SH3RF2: variants seen among roughly 807,000 people sequenced by gnomAD.
SH3RF2 encodes E3 ubiquitin-protein ligase SH3RF2.
A neutral mutation model predicts 59.0 loss-of-function variants in SH3RF2; 43 were observed. The ratio of observed to expected loss-of-function variants is 0.73; its 90% confidence interval spans 0.57 to 0.94. The LOEUF is 0.94. SH3RF2 is among the 40% of genes least tolerant of loss of function. The probability of loss-of-function intolerance (pLI) is 0.00; values close to 1 mark genes in which losing one functional copy is unlikely to be tolerated. For missense variants in SH3RF2, 930 were observed against 940.1 expected, an observed-to-expected ratio of 0.99 and a Z score of 0.14; for synonymous variants, 391 against 391.5, an observed-to-expected ratio of 1.00 and a Z score of 0.01.
intron 2 of SH3RF2, among the ~76,000 whole-genome samples, chr5:145,985,819 T>C (rs1054249626): frequency 1.3e-5 from 2 of 151,922 alleles, no homozygotes; most frequent in Non-Finnish European, 2.9e-5. Flanking sequence ...CTGAGCAATA[T>C]AGCAAGACCC....
chr5:146,059,618 C>T (rs1561769423), intron 8 of SH3RF2, among the ~76,000 whole-genome samples: 1 of 151,894 alleles, frequency 6.6e-6, no homozygotes, highest in African/African-American at 2.4e-5. Context: ...GACAGCCCCC[C>T]TACACACATA....
At chr5:145,970,005 T>C (rs1759014998) in intron 2 of SH3RF2, among the ~76,000 whole-genome samples, 1 of 152,154 alleles carries the variant, frequency 6.6e-6, no homozygotes. Context: ...GAGATTCGGG[T>C]GCAAAATAAA....
At chr5:146,058,260 C>T (rs182354626) in intron 8 of SH3RF2, among the ~76,000 whole-genome samples, 97 of 152,304 alleles carry the variant, frequency 6.4e-4, no homozygotes, top group Middle Eastern at 3.4e-3. Context: ...AGCCTAAGGA[C>T]ATGTCTGCCT....
Position 146,014,056 on chromosome 5 carries a change from G to T in SH3RF2, c.1054G>T (p.Gly352Ter). 6.2e-7 allele frequency: 1 copy of T among 1,613,168 alleles called. No individual in the cohort carries two copies. Among genetic ancestry groups the T allele is most frequent in the Non-Finnish European group, 8.5e-7 (1 of 1,179,794 alleles). Reference sequence around the variant, plus strand: ...AGCAGACGTTCCTTCCAGCTGTGTGGGACAGGTAGGGAAGAAACGCCTGGG... The same window carrying T: ...AGCAGACGTTCCTTCCAGCTGTGTGTGACAGGTAGGGAAGAAACGCCTGGG... ...EKADVPSSCV[G>*]QVSTYHPAPV... Residue 352 changes from glycine to a stop codon, truncating the protein, a stop_gained, in exon 5 of 10, where the codon GGA becomes TGA. Transcript: ENST00000359120. LOFTEE classifies it high-confidence loss of function.
intron 2 of SH3RF2, among the ~76,000 whole-genome samples, chr5:145,993,226 G>A (rs2149978349): frequency 6.6e-6 from 1 of 152,220 alleles, no homozygotes; most frequent in East Asian, 1.9e-4. Context: ...ATGGTCTTGG[G>A]CAGCTTGGGT....
At chr5:145,992,742 T>C (rs6879927) in intron 2 of SH3RF2, among the ~76,000 whole-genome samples, 90,628 of 150,284 alleles carry the variant, frequency 0.6, 27,446 homozygotes, top group Middle Eastern at 0.79. Context: ...GACTTGCCCC[T>C]GTGATTCAAT....
chr5:145,991,590 G>T (rs988217244), intron 2 of SH3RF2, among the ~76,000 whole-genome samples: 1 of 152,154 alleles, frequency 6.6e-6, no homozygotes, highest in African/African-American at 2.4e-5. Context: ...AAGAAAGAGG[G>T]TCTTCTTGTT....
At chr5:146,047,963 A>C in intron 6 of SH3RF2, 100 bp downstream of exon 6, 1 of 1,172,120 alleles carries the variant, frequency 8.5e-7, no homozygotes, top group Non-Finnish European at 1.2e-6. Context: ...AAAACATCCC[A>C]TCCAGAGACA....
intron 2 of SH3RF2, among the ~76,000 whole-genome samples, chr5:145,961,245 G>C (rs867907638): frequency 2.0e-4 from 29 of 148,032 alleles, no homozygotes; most frequent in Admixed American, 1.8e-3. Context: ...AAGTTCTGAG[G>C]GGTCATCTTC....
intron 5 of SH3RF2, among the ~76,000 whole-genome samples, chr5:146,027,017 G>A (rs1265236814): frequency 1.3e-5 from 2 of 152,138 alleles, no homozygotes; most frequent in Non-Finnish European, 2.9e-5. Flanking sequence ...ACTGCCCCAG[G>A]GCCAGCCTAT....
chr5:146,042,071 G>A (rs1444935722), intron 5 of SH3RF2, among the ~76,000 whole-genome samples: 1 of 152,182 alleles, frequency 6.6e-6, no homozygotes, highest in African/African-American at 2.4e-5. Flanking sequence ...CACTTTGCTG[G>A]GGAAGACAGT....
intron 3 of SH3RF2, among the ~76,000 whole-genome samples, chr5:146,001,884 G>A (rs1379113275): frequency 6.6e-6 from 1 of 152,190 alleles, no homozygotes; most frequent in East Asian, 1.9e-4. Context: ...CAGACTTCTA[G>A]GAAATCTCAT....
chr5:145,960,528 A>G (rs1758592643), intron 2 of SH3RF2, among the ~76,000 whole-genome samples: 1 of 152,210 alleles, frequency 6.6e-6, no homozygotes, highest in Non-Finnish European at 1.5e-5. Context: ...TCTAACTCCT[A>G]AGACTCCTTT....
rs753616323 is a variant in SH3RF2 at position 146,000,273 on chromosome 5, C to T, written c.594C>T (p.Phe198=). 3.1e-6 allele frequency: 5 copies of T among 1,613,724 alleles called. No individual in the cohort carries two copies. The highest frequency in any genetic ancestry group is 1.7e-4 in the Middle Eastern group (1 of 6,060). The change falls in exon 3 of 10, where the codon TTC becomes TTT. Residue 198 remains phenylalanine, a synonymous_variant. Transcript: ENST00000359120. ...CGCTCTGCAGGGCCCTCTACAACTT[C>T]GACCTACGAGGCAAGGACAAGAGTG... is the stretch of plus-strand genomic sequence containing the variant. The part of the protein sequence containing the change: ...PPPLCRALYN[F]DLRGKDKSEN...
intron 7 of SH3RF2, among the ~76,000 whole-genome samples, chr5:146,052,104 G>A (rs1052960189): frequency 3.9e-5 from 6 of 152,012 alleles, no homozygotes; most frequent in Admixed American, 6.5e-5. Flanking sequence ...CCATCCCCAC[G>A]ACTAGGGCAT....
downstream of SH3RF2, among the ~76,000 whole-genome samples, chr5:146,065,097 G>A (rs1763071598): frequency 6.6e-6 from 1 of 152,150 alleles, no homozygotes; most frequent in Admixed American, 6.5e-5. Context: ...CTTTGGGGCT[G>A]GTAGAGCCAA....
rs143380961 is a variant in SH3RF2 at position 146,006,387 on chromosome 5, C to A, written c.744+2234C>A. Among the ~76,000 whole-genome samples the A allele has an allele frequency of 2.6e-3, 390 of 152,126 alleles. 9 individuals carry two copies. Among genetic ancestry groups the A allele is most frequent in the African/African-American group, 8.5e-3 (352 of 41,510 alleles). On this transcript the variant is annotated intron_variant, in intron 4 of 9. Coordinates refer to ENST00000359120, the MANE Select transcript of SH3RF2 (RefSeq NM_152550.4). ...AGTGAGCCGTGATTGTGCCACTATA[C>A]TCTAGACTAGACAACAGAGCAAGAC...
Position 146,011,480 on chromosome 5 carries a change from G to A in SH3RF2, c.745-2267G>A, listed in dbSNP as rs149192109. On this transcript the variant is annotated intron_variant, in intron 4 of 9. Transcript: ENST00000359120. ...ATAAATTACCTTGGGCAGTATGGCC[G>A]TTTTCACAATATTGATTCTTCCTAT... 4.3e-3 allele frequency among the ~76,000 whole-genome samples: 659 copies of A among 152,140 alleles called. 31 individuals carry two copies. The East Asian group carries it at 0.095, about 22-fold the overall frequency.
rs370833646 is a variant in SH3RF2 at position 146,059,975 on chromosome 5, G to A, written c.1665G>A (p.Gln555=). ...GGCCTCAGCAGTTCCAATTCTACCA[G>A]CCACAGGGGATCCCCTCCTCCCCCT... ...VLRPQQFQFY[Q]PQGIPSSPSA... is the part of the protein sequence containing the mutation. Residue 555 remains glutamine (Q), a synonymous_variant, in exon 9 of 10, where the codon CAG becomes CAA. Coordinates refer to ENST00000359120, the MANE Select transcript of SH3RF2 (RefSeq NM_152550.4). The A allele has an allele frequency of 7.6e-6, 12 of 1,578,234 alleles. No homozygotes were observed. In the African/African-American group the frequency reaches 1.5e-4, roughly 20 times the overall value.
Sources: gnomAD v4.1 joint callset for allele counts (sites outside exome capture counted in the v4.1 genomes callset) on GRCh38, gnomAD v4.1.1 for gene constraint, MANE v1.5 for transcripts, NCBI Gene and HGNC (gene_info 2026-07-23, HGNC 2026-07-21) for gene names.